The following KIT variants were observed in gnomAD, a reference collection of about 807,000 sequenced individuals.
The protein encoded by KIT is KIT proto-oncogene, receptor tyrosine kinase, also known as mast/stem cell growth factor receptor Kit.
KIT carries 16 observed loss-of-function variants against 105.7 expected under a neutral mutation model. The ratio of observed to expected loss-of-function variants is 0.15; its 90% CI spans 0.10 to 0.23. KIT has a LOEUF of 0.23. Among genes scored for constraint, KIT ranks in the 10% least tolerant of loss-of-function variants. KIT has a pLI of 1.00. For synonymous variants in KIT, 438 were observed against 441.1 expected (o/e 0.99, Z 0.09); for missense variants, 858 against 1,213.8 (o/e 0.71, Z 4.36).
At chr4:54,660,078 A>G (rs181773788) in intron 1 of KIT, among the ~76,000 whole-genome samples, 354 of 152,166 alleles carry the variant, frequency 2.3e-3, no homozygotes, top group Non-Finnish European at 3.8e-3. Flanking sequence ...TTCTCCTCCA[A>G]TGTTCTGAGT....
At chr4:54,706,194 A>C (rs1339916960) in intron 5 of KIT, among the ~76,000 whole-genome samples, 8 of 151,324 alleles carry the variant, frequency 5.3e-5, no homozygotes, top group Non-Finnish European at 4.4e-5. Context: ...TCTCAAATGG[A>C]AATTACAAGA....
intron 8 of KIT, among the ~76,000 whole-genome samples, chr4:54,725,164 G>A (rs1722138674): frequency 6.6e-6 from 1 of 152,116 alleles, no homozygotes; most frequent in African/African-American, 2.4e-5. Flanking sequence ...GAGTGCAATG[G>A]AGTGATCTTG....
rs761984908 is a variant in KIT at position 54,723,689 on chromosome 4, C to T, written c.1337C>T (p.Thr446Ile). 1 of 1,603,360 alleles carries T rather than the reference C, an allele frequency of 6.2e-7. No homozygotes were observed. The highest frequency in any genetic ancestry group is 8.5e-7 in the Non-Finnish European group (1 of 1,170,392). ...ATAGATTGGTATTTTTGTCCAGGAA[C>T]TGAGCAGAGGTGAGATGATTATTTT... ...PTIDWYFCPG[T>I]EQRCSASVLP... Residue 446 changes from threonine to isoleucine, a missense_variant, in exon 8 of 21, where the codon ACT becomes ATT. Physicochemically the swap from Thr to Ile is moderately conservative, Grantham distance 89 (BLOSUM62 -1). This residue lies in a region of KIT where 401 missense variants were observed against 601.0 expected (regional missense o/e 0.67). Transcript: ENST00000288135.
At chr4:54,666,810 T>C (rs182242496) in intron 1 of KIT, among the ~76,000 whole-genome samples, 7 of 152,326 alleles carry the variant, frequency 4.6e-5, no homozygotes, top group Admixed American at 4.6e-4. Context: ...CTCACTGCCT[T>C]GGCTGTGGGG....
intron 1 of KIT, among the ~76,000 whole-genome samples, chr4:54,664,116 C>T (rs1717502811): frequency 6.6e-6 from 1 of 152,098 alleles, no homozygotes; most frequent in Non-Finnish European, 1.5e-5. Flanking sequence ...AGAGCATCCA[C>T]ATAGGAGATA....
chr4:54,710,270 T>C (rs989264436), intron 7 of KIT, among the ~76,000 whole-genome samples: 4 of 152,220 alleles, frequency 2.6e-5, no homozygotes, highest in Non-Finnish European at 5.9e-5. Context: ...CGTGTGCATT[T>C]CCAAGGAAGG....
intron 7 of KIT, among the ~76,000 whole-genome samples, chr4:54,721,734 A>G (rs1000992700): frequency 2.0e-5 from 3 of 152,212 alleles, no homozygotes; most frequent in African/African-American, 7.2e-5. Context: ...CTTTGGGGAA[A>G]TAAACTTCCT....
chr4:54,708,638 A>C (rs561391240), intron 6 of KIT, among the ~76,000 whole-genome samples: 90 of 152,252 alleles, frequency 5.9e-4, no homozygotes, highest in African/African-American at 1.9e-3. Flanking sequence ...CTGGAAGTAA[A>C]GACGTGAAGG....
intron 5 of KIT, 56 bp downstream of exon 5, chr4:54,703,948 T>TC: frequency 7.6e-7 from 1 of 1,324,172 alleles, no homozygotes; most frequent in Non-Finnish European, 1.1e-6. Context: ...GAAGAAATTA[T>TC]TAGACAGTTT....
intron 1 of KIT, among the ~76,000 whole-genome samples, chr4:54,686,942 C>T (rs1313288041): frequency 6.6e-6 from 1 of 152,094 alleles, no homozygotes; most frequent in Non-Finnish European, 1.5e-5. Context: ...AAGTGTGATC[C>T]GTCCAGGCAT....
At chr4:54,695,232 C>T (rs1719974656) in intron 1 of KIT, among the ~76,000 whole-genome samples, 1 of 152,098 alleles carries the variant, frequency 6.6e-6, no homozygotes, top group African/African-American at 2.4e-5. Context: ...AAAACTTGAC[C>T]CAATTGTATG....
intron 17 of KIT, 139 bp downstream of exon 17, chr4:54,733,331 T>C: frequency 5.7e-6 from 5 of 880,564 alleles, no homozygotes; most frequent in Non-Finnish European, 9.2e-6. Context: ...TTAAGTATAC[T>C]TCAGCAAAAT....
At chr4:54,688,922 G>A (rs1719507535) in intron 1 of KIT, among the ~76,000 whole-genome samples, 1 of 152,180 alleles carries the variant, frequency 6.6e-6, no homozygotes, top group East Asian at 1.9e-4. Context: ...TTTGATGGAG[G>A]GCCAAAGCCT....
At chr4:54,697,990 G>T (rs907456019) in intron 2 of KIT, among the ~76,000 whole-genome samples, 1 of 152,148 alleles carries the variant, frequency 6.6e-6, no homozygotes, top group East Asian at 1.9e-4. Flanking sequence ...TTATGACACC[G>T]CAGTTTCATC....
chr4:54,669,370 A>G (rs1402123848), intron 1 of KIT, among the ~76,000 whole-genome samples: 2 of 152,234 alleles, frequency 1.3e-5, no homozygotes, highest in Non-Finnish European at 2.9e-5. Context: ...CCTTTCAAAG[A>G]GTCTGGCCCA....
At chr4:54,723,562 G>T (rs2109760141) in intron 7 of KIT, 22 bp from the exon 8 acceptor site, 1 of 1,499,658 alleles carries the variant, frequency 6.7e-7, no homozygotes, top group East Asian at 2.3e-5. Context: ...TCTGACATAT[G>T]GCCATTTCTG....
chr4:54,709,692 A>G (rs184396713), intron 7 of KIT, 153 bp downstream of exon 7: 159 of 694,402 alleles, frequency 2.3e-4, no homozygotes, highest in African/African-American at 8.8e-5. Context: ...TGGTGGTTAG[A>G]GTGTGTCAAA....
At chr4:54,691,873 A>G (rs764210434) in intron 1 of KIT, among the ~76,000 whole-genome samples, 1 of 152,034 alleles carries the variant, frequency 6.6e-6, no homozygotes, top group Non-Finnish European at 1.5e-5. Flanking sequence ...CTCTGAAGGA[A>G]AGAATGCTAG....
chr4:54,693,301 A>C (rs939923927), intron 1 of KIT, among the ~76,000 whole-genome samples: 3 of 151,960 alleles, frequency 2.0e-5, no homozygotes, highest in Non-Finnish European at 2.9e-5. Context: ...TCTCTTTGAA[A>C]CTTTGTACTG....
Sources: gnomAD v4.1 joint callset for allele counts (sites outside exome capture counted in the v4.1 genomes callset) on GRCh38, gnomAD v4.1.1 for gene constraint, gnomAD v4.1.1 regional missense constraint, MANE v1.5 for transcripts, NCBI Gene and HGNC (gene_info 2026-07-23, HGNC 2026-07-21) for gene names.